The following TYR variants were observed in gnomAD, a reference collection of about 807,000 sequenced individuals.
TYR encodes LB24-AB.
In TYR, 58 loss-of-function variants were observed where a neutral mutation model predicts 51.5. The ratio of observed to expected loss-of-function variants is 1.13; its 90% CI spans 0.91 to 1.40. The LOEUF is 1.40. TYR is among the 40% of genes most tolerant of loss of function. TYR has a pLI of 0.00. For synonymous variants in TYR, 263 were observed against 235.2 expected (o/e 1.12, Z -1.08); for missense variants, 732 against 647.4 (o/e 1.13, Z -1.42).
At chr11:89,277,955 T>C (rs1944675517) in intron 3 of TYR, among the ~76,000 whole-genome samples, 1 of 151,686 alleles carries the variant, frequency 6.6e-6, no homozygotes, top group African/African-American at 2.4e-5. Context: ...AGTGACTTTC[T>C]GTTAGGAAAA....
intron 2 of TYR, among the ~76,000 whole-genome samples, chr11:89,204,561 AT>A (rs577378430): frequency 0.01 from 1,532 of 151,694 alleles, 24 homozygotes; most frequent in African/African-American, 0.035. Context: ...AGCCCGGCTA[AT>A]TTTTTTTATA....
intron 4 of TYR, among the ~76,000 whole-genome samples, chr11:89,290,101 G>A (rs2135328306): frequency 6.6e-6 from 1 of 152,024 alleles, no homozygotes; most frequent in East Asian, 1.9e-4. Flanking sequence ...GGAAATGATA[G>A]AGCATAAAAC....
chr11:89,181,481 TTGAA>T (rs1355588878), intron 1 of TYR, among the ~76,000 whole-genome samples: 1 of 152,244 alleles, frequency 6.6e-6, no homozygotes, highest in Non-Finnish European at 1.5e-5. Context: ...TTTGTCCAAA[TTGAA>T]TGCTTAAATT....
chr11:89,178,563 G>A lies in TYR; in HGVS notation c.610G>A (p.Ala204Thr), dbSNP rs1197859897. Residue 204 changes from alanine (A) to threonine (T), a missense_variant, in exon 1 of 5, where the codon GCA becomes ACA. Coordinates refer to ENST00000263321, the MANE Select transcript of TYR (RefSeq NM_000372.5). ...IWRDIDFAHE[A>T]PAFLPWHRLF... Reference sequence around the variant, plus strand: ...GAGAGACATTGATTTTGCCCATGAAGCACCAGCTTTTCTGCCTTGGCATAG... The same window carrying A: ...GAGAGACATTGATTTTGCCCATGAAACACCAGCTTTTCTGCCTTGGCATAG... 1 of 1,614,146 alleles carries A rather than the reference G, an allele frequency of 6.2e-7. No individual in the cohort carries two copies. Among genetic ancestry groups the A allele is most frequent in the Non-Finnish European group, 8.5e-7 (1 of 1,180,030 alleles).
At chr11:89,203,094 G>A (rs1489802169) in intron 2 of TYR, among the ~76,000 whole-genome samples, 1 of 152,170 alleles carries the variant, frequency 6.6e-6, no homozygotes, top group East Asian at 1.9e-4. Context: ...CATTACAAGT[G>A]AGCAACAGAG....
At chr11:89,197,862 C>G (rs1298710568) in intron 2 of TYR, among the ~76,000 whole-genome samples, 1 of 151,754 alleles carries the variant, frequency 6.6e-6, no homozygotes. Flanking sequence ...AATGTAATTT[C>G]TCTTCATATA....
At chr11:89,179,579 A>G (rs2135243357) in intron 1 of TYR, among the ~76,000 whole-genome samples, 1 of 152,256 alleles carries the variant, frequency 6.6e-6, no homozygotes, top group South Asian at 2.1e-4. Context: ...TTATTCTCTA[A>G]TAGTCCAGCT....
chr11:89,188,391 T>G (rs1348709287), intron 1 of TYR, among the ~76,000 whole-genome samples: 4 of 152,062 alleles, frequency 2.6e-5, no homozygotes. Context: ...AAATCAATCA[T>G]TCTATGAGAG....
At chr11:89,212,128 C>G (rs1240892389) in intron 2 of TYR, among the ~76,000 whole-genome samples, 1 of 151,890 alleles carries the variant, frequency 6.6e-6, no homozygotes, top group East Asian at 1.9e-4. Context: ...CAAGAAAATC[C>G]CTTCAAAAAA....
chr11:89,274,847 C>T (rs967225689), intron 3 of TYR, among the ~76,000 whole-genome samples: 2 of 151,672 alleles, frequency 1.3e-5, no homozygotes, highest in African/African-American at 4.8e-5. Context: ...TACGGCTTTC[C>T]CCAATTCCCC....
chr11:89,288,620 T>G (rs1944821025), intron 4 of TYR, among the ~76,000 whole-genome samples: 1 of 152,006 alleles, frequency 6.6e-6, no homozygotes, highest in South Asian at 2.1e-4. Flanking sequence ...CAAAGTTAAT[T>G]TTAGAGAAGT....
intron 1 of TYR, among the ~76,000 whole-genome samples, chr11:89,190,337 G>A (rs1005189920): frequency 2.6e-5 from 4 of 152,072 alleles, no homozygotes; most frequent in African/African-American, 9.7e-5. Context: ...AAGATGTGGA[G>A]GTGGAAGACA....
At chr11:89,295,087 G>A in intron 4 of TYR, 56 bp from the exon 5 acceptor site, 2 of 1,599,212 alleles carry the variant, frequency 1.3e-6, no homozygotes, top group Non-Finnish European at 1.7e-6. Flanking sequence ...TGAAGATGAT[G>A]GTGATCGTAA....
chr11:89,190,078 A>G (rs908775277), intron 1 of TYR, among the ~76,000 whole-genome samples: 2 of 152,176 alleles, frequency 1.3e-5, no homozygotes, highest in East Asian at 3.8e-4. Flanking sequence ...ACATAGCATT[A>G]TGTACACTAC....
At chr11:89,289,465 C>A (rs988754027) in intron 4 of TYR, among the ~76,000 whole-genome samples, 1 of 151,884 alleles carries the variant, frequency 6.6e-6, no homozygotes, top group East Asian at 1.9e-4. Context: ...GGGTGCATTC[C>A]CTGACTTCAC....
intron 2 of TYR, among the ~76,000 whole-genome samples, chr11:89,203,773 G>A (rs76229531): frequency 6.6e-6 from 1 of 151,832 alleles, no homozygotes; most frequent in Non-Finnish European, 1.5e-5. Context: ...AAACAAAACA[G>A]AAAGAAAAAA....
intron 3 of TYR, among the ~76,000 whole-genome samples, chr11:89,235,719 T>A (rs1289824966): frequency 2.0e-5 from 3 of 152,058 alleles, no homozygotes; most frequent in Non-Finnish European, 4.4e-5. Context: ...AGTTGAAGGG[T>A]ACAAAGTTTT....
chr11:89,254,686 C>T (rs1455538526), intron 3 of TYR, among the ~76,000 whole-genome samples: 1 of 151,552 alleles, frequency 6.6e-6, no homozygotes, highest in Non-Finnish European at 1.5e-5. Flanking sequence ...ATTTCATTTC[C>T]AATTGAGCTT....
At chr11:89,194,966 C>G (rs1943495988) in intron 2 of TYR, among the ~76,000 whole-genome samples, 1 of 152,138 alleles carries the variant, frequency 6.6e-6, no homozygotes, top group Non-Finnish European at 1.5e-5. Flanking sequence ...GAAGGAAACT[C>G]AAGATCAAGA....
Sources: gnomAD v4.1 joint callset for allele counts (sites outside exome capture counted in the v4.1 genomes callset) on GRCh38, gnomAD v4.1.1 for gene constraint, MANE v1.5 for transcripts, NCBI Gene and HGNC (gene_info 2026-07-23, HGNC 2026-07-21) for gene names.